Variants in SYT1 observed in about 807,000 individuals in gnomAD.
SYT1 encodes synaptotagmin-1.
In SYT1, 8 loss-of-function variants were observed where a neutral mutation model predicts 44.8. The observed-to-expected ratio is 0.18, with a 90% CI of 0.10 to 0.32. The LOEUF is 0.32. Ranked by LOEUF, SYT1 falls within the 10% of genes least tolerant of loss-of-function variation. The pLI, the probability that SYT1 is intolerant of heterozygous loss-of-function variation, is 1.00. For missense variants in SYT1, 286 were observed against 509.3 expected, an observed-to-expected ratio of 0.56 and a Z score of 4.22; for synonymous variants, 154 against 188.8, an observed-to-expected ratio of 0.82 and a Z score of 1.51.
At chr12:79,120,860 A>G (rs959374198) in intron 3 of SYT1, among the ~76,000 whole-genome samples, 4 of 151,902 alleles carry the variant, frequency 2.6e-5, no homozygotes, top group Middle Eastern at 3.2e-3. Context: ...TGGCACAGCC[A>G]GTGTTAGCCT....
chr12:79,241,228 G>A (rs577105673), intron 4 of SYT1, among the ~76,000 whole-genome samples: 4 of 151,214 alleles, frequency 2.6e-5, no homozygotes, highest in East Asian at 1.9e-4. Flanking sequence ...AGAAAAAAGC[G>A]ATTCGTTTAC....
chr12:78,938,950 G>T (rs910833839), intron 1 of SYT1, among the ~76,000 whole-genome samples: 1 of 152,116 alleles, frequency 6.6e-6, no homozygotes, highest in African/African-American at 2.4e-5. Context: ...GCTATTCTTT[G>T]TTCATCTAAA....
chr12:79,199,784 T>C (rs1397223295), intron 3 of SYT1, among the ~76,000 whole-genome samples: 2 of 152,012 alleles, frequency 1.3e-5, no homozygotes, highest in Non-Finnish European at 2.9e-5. Flanking sequence ...GATTGAGACA[T>C]TGTGCTGAGT....
chr12:79,031,854 G>GT (rs763328902), intron 2 of SYT1, among the ~76,000 whole-genome samples: 7 of 151,064 alleles, frequency 4.6e-5, no homozygotes, highest in African/African-American at 7.3e-5. Flanking sequence ...TCCTGTACCC[G>GT]TTTTTTCTTT....
At chr12:79,447,368 C>T (rs143968493) in intron 10 of SYT1, among the ~76,000 whole-genome samples, 20 of 152,236 alleles carry the variant, frequency 1.3e-4, no homozygotes, top group African/African-American at 4.8e-4. Flanking sequence ...TTCTCTATCC[C>T]TATGAAATGT....
At chr12:79,049,949 T>C (rs1270548563) in intron 3 of SYT1, among the ~76,000 whole-genome samples, 1 of 151,978 alleles carries the variant, frequency 6.6e-6, no homozygotes, top group Non-Finnish European at 1.5e-5. Context: ...AAATATAAGA[T>C]GCTTTCTTAT....
chr12:79,329,681 A>G (rs1881770087), intron 8 of SYT1, among the ~76,000 whole-genome samples: 1 of 152,180 alleles, frequency 6.6e-6, no homozygotes, highest in Non-Finnish European at 1.5e-5. Context: ...AACAATCTGC[A>G]CAAGGTCACC....
At chr12:78,880,489 G>A (rs1874393399) in intron 1 of SYT1, among the ~76,000 whole-genome samples, 1 of 151,280 alleles carries the variant, frequency 6.6e-6, no homozygotes, top group South Asian at 2.1e-4. Flanking sequence ...TCATTAGACT[G>A]TAAATTCCAT....
At chr12:79,031,925 T>C (rs1375015724) in intron 2 of SYT1, among the ~76,000 whole-genome samples, 3 of 151,172 alleles carry the variant, frequency 2.0e-5, no homozygotes, top group Non-Finnish European at 4.5e-5. Context: ...TTTGTGAAAA[T>C]ATATATATGT....
At chr12:79,313,347 A>AT (rs761014289) in intron 8 of SYT1, among the ~76,000 whole-genome samples, 13 of 152,122 alleles carry the variant, frequency 8.5e-5, no homozygotes, top group Non-Finnish European at 1.5e-4. Context: ...AATACGTGTT[A>AT]TTTTTCTGAG....
At chr12:79,415,844 C>G (rs1173476972) in intron 9 of SYT1, among the ~76,000 whole-genome samples, 1 of 152,072 alleles carries the variant, frequency 6.6e-6, no homozygotes, top group Admixed American at 6.6e-5. Flanking sequence ...TAAGGCTTTC[C>G]TTGTAGAAAG....
intron 4 of SYT1, among the ~76,000 whole-genome samples, chr12:79,278,617 G>A (rs1203300725): frequency 6.6e-6 from 1 of 151,702 alleles, no homozygotes; most frequent in African/African-American, 2.4e-5. Context: ...AGAAAAACAA[G>A]AACAAACCAA....
At chr12:78,876,285 G>T (rs1874063622) in intron 1 of SYT1, among the ~76,000 whole-genome samples, 1 of 151,320 alleles carries the variant, frequency 6.6e-6, no homozygotes, top group Non-Finnish European at 1.5e-5. Flanking sequence ...CTATATGATA[G>T]TAAACCAGTT....
At chr12:78,988,129 A>T (rs1284232576) in intron 2 of SYT1, among the ~76,000 whole-genome samples, 1 of 149,906 alleles carries the variant, frequency 6.7e-6, no homozygotes, top group Non-Finnish European at 1.5e-5. Flanking sequence ...CACTGAACAA[A>T]TTTTTTTTTT....
Position 79,145,290 on chromosome 12 carries a change from A to G in SYT1, c.-17-72213A>G, listed in dbSNP as rs186703533. ...TTTGACTCATCTTGATTAAAAACAT[A>G]TTTTTCTAATTTTATTTAGAATATT... On this transcript the variant is annotated intron_variant, in intron 3 of 10. Coordinates refer to ENST00000261205, the MANE Select transcript of SYT1 (RefSeq NM_005639.3). Among the ~76,000 whole-genome samples the G allele has an allele frequency of 3.4e-4, 51 of 152,102 alleles. No homozygotes were observed. The East Asian group carries it at 9.6e-3, about 29-fold the overall frequency.
chr12:79,257,951 A>T (rs1877621816), intron 4 of SYT1, among the ~76,000 whole-genome samples: 1 of 152,168 alleles, frequency 6.6e-6, no homozygotes, highest in Non-Finnish European at 1.5e-5. Context: ...ATGTTTTAGG[A>T]TGTATCACAA....
chr12:79,079,164 C>T (rs1179196620), intron 3 of SYT1, among the ~76,000 whole-genome samples: 1 of 151,994 alleles, frequency 6.6e-6, no homozygotes, highest in Non-Finnish European at 1.5e-5. Flanking sequence ...GTCTAATAAA[C>T]TATTGTCACA....
chr12:79,292,493 C>T (rs894472944), intron 6 of SYT1, among the ~76,000 whole-genome samples: 3 of 152,184 alleles, frequency 2.0e-5, no homozygotes, highest in Non-Finnish European at 2.9e-5. Context: ...AGATTTAGAA[C>T]TAGACAGGGC....
intron 1 of SYT1, among the ~76,000 whole-genome samples, chr12:78,866,301 C>G (rs2137027046): frequency 6.6e-6 from 1 of 152,262 alleles, no homozygotes; most frequent in Middle Eastern, 3.4e-3. Context: ...GATGTTTATA[C>G]AATTTCAGCA....
Sources: gnomAD v4.1 joint callset for allele counts (sites outside exome capture counted in the v4.1 genomes callset) on GRCh38, gnomAD v4.1.1 for gene constraint, MANE v1.5 for transcripts, NCBI Gene and HGNC (gene_info 2026-07-23, HGNC 2026-07-21) for gene names.